The following PKIA variants were observed in gnomAD, a reference collection of about 807,000 sequenced individuals.
PKIA encodes the protein PKI-alpha.
A neutral mutation model predicts 7.6 loss-of-function variants in PKIA; 4 were observed. The ratio of observed to expected loss-of-function variants is 0.52; its 90% confidence interval spans 0.26 to 1.20. The LOEUF is 1.20. PKIA is among the 50% of genes most tolerant of loss of function. The pLI, the probability that PKIA is intolerant of heterozygous loss-of-function variation, is 0.13. For missense variants in PKIA, 73 were observed against 86.2 expected (o/e 0.85, Z 0.61); for synonymous variants, 21 against 30.7 (o/e 0.68, Z 1.04).
chr8:78,601,947 C>A lies in PKIA; in HGVS notation c.*126C>A. On this transcript the variant is annotated 3_prime_UTR_variant, in exon 4 of 4. Coordinates refer to ENST00000396418, the MANE Select transcript of PKIA (RefSeq NM_006823.4). ...GGCTGTGCTGCATTGCAGGAACCTGCTCATTATCATGTTAAAAATGAGGGC... is the reference window on the plus strand; with the variant it reads ...GGCTGTGCTGCATTGCAGGAACCTGATCATTATCATGTTAAAAATGAGGGC... 1 of 705,046 alleles carries A rather than the reference C, an allele frequency of 1.4e-6. No individual in the cohort carries two copies. Among genetic ancestry groups the A allele is most frequent in the Admixed American group, 2.7e-5 (1 of 37,036 alleles). 43.7% of individuals were successfully genotyped at this position (705,046 alleles called of 1,614,324 possible). A position where few individuals can be genotyped will look rare whatever the true frequency, so the allele number is the denominator to read the frequency against.
At chr8:78,561,341 G>A (rs56391039) in intron 1 of PKIA, among the ~76,000 whole-genome samples, 28 of 152,112 alleles carry the variant, frequency 1.8e-4, no homozygotes, top group Admixed American at 3.9e-4. Context: ...TTCTGATATC[G>A]TGACACAGAT....
intron 2 of PKIA, among the ~76,000 whole-genome samples, chr8:78,581,468 A>G (rs980887329): frequency 6.6e-6 from 1 of 152,098 alleles, no homozygotes; most frequent in Non-Finnish European, 1.5e-5. Context: ...ACTGGGTGGC[A>G]CCTTTTAATC....
rs1441577167 is a variant in PKIA, at chr8:78,603,324, G to A, written c.*1503G>A. The A allele has an allele frequency of 1.3e-5, 2 of 152,304 alleles. No homozygotes were observed. The highest frequency in any genetic ancestry group is 6.6e-5 in the Admixed American group (1 of 15,220). The allele number at this position is 152,304 out of a possible 1,614,324, so 9.4% of individuals were successfully genotyped here. ...GGGCTTAGATACCTTGCCACGTGAA[G>A]TAGGTAGAGCAGCATTTCAATAGGT... On this transcript the variant is annotated 3_prime_UTR_variant, in exon 4 of 4. Transcript: ENST00000396418.
At chr8:78,573,292 G>A (rs1807597690) in intron 2 of PKIA, among the ~76,000 whole-genome samples, 1 of 151,956 alleles carries the variant, frequency 6.6e-6, no homozygotes, top group Admixed American at 6.6e-5. Context: ...CCTCTGTGAA[G>A]GTCATGAAAA....
chr8:78,572,942 A>C lies in PKIA; in HGVS notation c.-28+3A>C, dbSNP rs1585910534. 1 of 152,056 alleles carries C rather than the reference A, an allele frequency of 6.6e-6. No individual in the cohort carries two copies. The highest frequency in any genetic ancestry group is 2.4e-5 in the African/African-American group (1 of 41,432). 9.4% of individuals were successfully genotyped at this position (152,056 alleles called of 1,614,324 possible). A position where few individuals can be genotyped will look rare whatever the true frequency, so the allele number is the denominator to read the frequency against. On this transcript the variant is annotated splice_donor_region_variant and intron_variant, in intron 2 of 3. Transcript: ENST00000396418. ...AAGACAAGAAGGTTTCCAATCAGGT[A>C]GGAACACTAATTCTCAAACATTTAA...
At chr8:78,589,317 T>C (rs760218472) in intron 2 of PKIA, among the ~76,000 whole-genome samples, 5 of 152,158 alleles carry the variant, frequency 3.3e-5, no homozygotes, top group Admixed American at 6.6e-5. Context: ...AGGGATAGTA[T>C]AGGGGTAAAC....
At chr8:78,550,060 TAAAGAACAGAATTAAACAGGCAAGC>T (rs1303044632) in intron 1 of PKIA, among the ~76,000 whole-genome samples, 1 of 152,062 alleles carries the variant, frequency 6.6e-6, no homozygotes, top group African/African-American at 2.4e-5. Context: ...TGCATTCTAT[TAAAGAACAGAATTAAACAGGCAAGC>T]AAAGATGTAT....
At chr8:78,551,314 C>A (rs938785311) in intron 1 of PKIA, among the ~76,000 whole-genome samples, 7 of 151,926 alleles carry the variant, frequency 4.6e-5, no homozygotes, top group African/African-American at 1.7e-4. Context: ...GGAAAAGGAG[C>A]TTATGTCTAA....
chr8:78,546,442 C>A (rs1455571272), intron 1 of PKIA, among the ~76,000 whole-genome samples: 1 of 152,070 alleles, frequency 6.6e-6, no homozygotes, highest in Admixed American at 6.6e-5. Flanking sequence ...TTCTGTAGAG[C>A]TGCATTTATC....
intron 1 of PKIA, among the ~76,000 whole-genome samples, chr8:78,550,931 A>T (rs186209456): frequency 1.5e-4 from 23 of 152,002 alleles, no homozygotes; most frequent in African/African-American, 5.3e-4. Context: ...ATGTGTTACT[A>T]TGGAGGCACA....
chr8:78,551,978 G>C (rs932135928), intron 1 of PKIA, among the ~76,000 whole-genome samples: 4 of 151,872 alleles, frequency 2.6e-5, no homozygotes, highest in Non-Finnish European at 5.9e-5. Context: ...ATATGTCTCT[G>C]TATGTCAGGA....
intron 1 of PKIA, among the ~76,000 whole-genome samples, chr8:78,560,651 T>G (rs961233703): frequency 7.9e-5 from 12 of 152,314 alleles, no homozygotes; most frequent in African/African-American, 2.6e-4. Flanking sequence ...GGGATAATTT[T>G]TAACTATGGC....
intron 1 of PKIA, among the ~76,000 whole-genome samples, chr8:78,516,802 TTGAG>T (rs1197897332): frequency 6.6e-6 from 1 of 152,186 alleles, no homozygotes; most frequent in African/African-American, 2.4e-5. Flanking sequence ...TTACCTTCGC[TTGAG>T]TATTTTGAGG....
intron 1 of PKIA, among the ~76,000 whole-genome samples, chr8:78,547,487 C>A (rs920145192): frequency 1.3e-5 from 2 of 152,110 alleles, no homozygotes; most frequent in African/African-American, 4.8e-5. Context: ...TATATGACTT[C>A]TCTATAATTA....
chr8:78,546,483 T>G (rs2118440796), intron 1 of PKIA, among the ~76,000 whole-genome samples: 1 of 152,312 alleles, frequency 6.6e-6, no homozygotes, highest in Non-Finnish European at 1.5e-5. Context: ...AGTATCACAT[T>G]TCTCATGTCA....
intron 1 of PKIA, chr8:78,556,642 T>A (rs918335614): frequency 1.3e-4 from 20 of 152,104 alleles, no homozygotes; most frequent in African/African-American, 3.9e-4. Flanking sequence ...CAAGACACAG[T>A]CAGCAATTCT....
chr8:78,543,950 C>T (rs909494644), intron 1 of PKIA, among the ~76,000 whole-genome samples: 4 of 152,192 alleles, frequency 2.6e-5, no homozygotes, highest in South Asian at 2.1e-4. Context: ...GTGCTGCTGT[C>T]GAACTCCACA....
intron 1 of PKIA, among the ~76,000 whole-genome samples, chr8:78,539,707 A>G (rs1241201600): frequency 6.6e-6 from 1 of 152,092 alleles, no homozygotes; most frequent in Non-Finnish European, 1.5e-5. Context: ...AAGGACAAAA[A>G]TATTTATTAC....
intron 2 of PKIA, among the ~76,000 whole-genome samples, chr8:78,573,471 C>G (rs1175377796): frequency 1.3e-5 from 2 of 151,746 alleles, no homozygotes; most frequent in Non-Finnish European, 2.9e-5. Flanking sequence ...GAAAGGGGAG[C>G]TCTGTTTTCA....
Sources: allele counts gnomAD v4.1 joint callset (sites outside exome capture counted in the v4.1 genomes callset), GRCh38; gene constraint gnomAD v4.1.1; transcripts MANE v1.5; gene names NCBI Gene and HGNC (gene_info 2026-07-23, HGNC 2026-07-21).